Variants in METAP1D observed in about 807,000 individuals in gnomAD.
METAP1D encodes the protein methionyl aminopeptidase type 1D, mitochondrial.
In METAP1D, 31 loss-of-function variants were observed where a neutral mutation model predicts 40.5. The observed-to-expected ratio is 0.77, with a 90% CI of 0.58 to 1.03. The LOEUF (loss-of-function observed/expected upper bound fraction) is 1.03, where lower values mean the gene tolerates loss of function less well. Among genes scored for constraint, METAP1D ranks in the 50% least tolerant of loss-of-function variants. The pLI is 0.00. For missense variants in METAP1D, 411 were observed against 420.7 expected, an observed-to-expected ratio of 0.98 and a Z score of 0.20; for synonymous variants, 151 against 146.4, an observed-to-expected ratio of 1.03 and a Z score of -0.22.
intron 1 of METAP1D, among the ~76,000 whole-genome samples, chr2:172,017,209 A>T (rs1056304207): frequency 6.7e-6 from 1 of 149,358 alleles, no homozygotes; most frequent in African/African-American, 2.5e-5. Context: ...AATCTCCAAG[A>T]GTCTGTCTTG....
rs1381915319 is a variant in METAP1D, at chr2:172,045,839, A to AT, written c.41-15658dup. On this transcript the variant is annotated intron_variant, in intron 1 of 9. Transcript: ENST00000315796. ...TGTGTGTATATATATATATATATAT[A>AT]TATATATATATATATATATATATAT... Among the ~76,000 whole-genome samples, 32 of 97,264 alleles carry AT rather than the reference A, an allele frequency of 3.3e-4. 1 individual carries two copies. Among genetic ancestry groups the AT allele is most frequent in the Middle Eastern group, 4.3e-3 (1 of 232 alleles). The allele number at this position is 97,264 out of a possible 152,430, so 63.8% of individuals were successfully genotyped here.
At chr2:172,014,723 G>T (rs191980258) in intron 1 of METAP1D, among the ~76,000 whole-genome samples, 2 of 152,218 alleles carry the variant, frequency 1.3e-5, no homozygotes, top group Non-Finnish European at 2.9e-5. Context: ...TGCAATCTCG[G>T]CTCACTGCAA....
intron 5 of METAP1D, among the ~76,000 whole-genome samples, chr2:172,069,190 C>A (rs560912124): frequency 2.0e-5 from 3 of 152,064 alleles, no homozygotes; most frequent in Non-Finnish European, 4.4e-5. Context: ...GGATTGCAGG[C>A]GTGAGCTACT....
Position 172,066,323 on chromosome 2 carries a change from A to C in METAP1D, c.540+17A>C. The C allele has an allele frequency of 6.2e-7, 1 of 1,604,318 alleles. No homozygotes were observed. Among genetic ancestry groups the C allele is most frequent in the Non-Finnish European group, 8.5e-7 (1 of 1,174,356 alleles). On this transcript the variant is annotated intron_variant, in intron 5 of 9. Coordinates refer to ENST00000315796, the MANE Select transcript of METAP1D (RefSeq NM_199227.3). ...GATGTCACAGTGAGTAAATCATATA[A>C]AAAATTGTCTTTGATCAACTTCAGA...
At chr2:172,005,147 C>G (rs976082479) in intron 1 of METAP1D, among the ~76,000 whole-genome samples, 1 of 151,972 alleles carries the variant, frequency 6.6e-6, no homozygotes, top group Non-Finnish European at 1.5e-5. Context: ...AGTTTTCTTT[C>G]TTTCTTATTT....
intron 1 of METAP1D, among the ~76,000 whole-genome samples, chr2:172,049,167 T>C (rs2087652303): frequency 6.6e-6 from 1 of 152,110 alleles, no homozygotes; most frequent in Non-Finnish European, 1.5e-5. Context: ...GTATTTTTTG[T>C]AGAAACAAGG....
At chr2:172,069,041 C>T (rs1338378196) in intron 5 of METAP1D, among the ~76,000 whole-genome samples, 2 of 152,078 alleles carry the variant, frequency 1.3e-5, no homozygotes, top group Non-Finnish European at 2.9e-5. Flanking sequence ...ACCGTAGCCT[C>T]CCAAGTAGCT....
intron 5 of METAP1D, among the ~76,000 whole-genome samples, chr2:172,068,644 A>G (rs1690348069): frequency 6.6e-6 from 1 of 151,632 alleles, no homozygotes; most frequent in Admixed American, 6.6e-5. Context: ...CTCCCCAGTA[A>G]CTGAGACTAC....
At chr2:172,035,275 C>A (rs1227899395) in intron 1 of METAP1D, among the ~76,000 whole-genome samples, 1 of 152,122 alleles carries the variant, frequency 6.6e-6, no homozygotes, top group Non-Finnish European at 1.5e-5. Flanking sequence ...CGCCATTCTC[C>A]TGCCTCAGCC....
chr2:172,013,227 C>T (rs1443699), intron 1 of METAP1D, among the ~76,000 whole-genome samples: 31,369 of 152,108 alleles, frequency 0.21, 4,196 homozygotes, highest in African/African-American at 0.38. Context: ...TGGCTTCTGT[C>T]CCCGGCTTCG....
intron 1 of METAP1D, among the ~76,000 whole-genome samples, chr2:172,037,355 A>G (rs891547506): frequency 3.3e-5 from 5 of 152,010 alleles, no homozygotes; most frequent in Admixed American, 3.3e-4. Context: ...CTGGTCATCG[A>G]TATCTACTTG....
Position 172,080,792 on chromosome 2 carries a change from A to C in METAP1D, c.*386A>C, listed in dbSNP as rs555711618. On this transcript the variant is annotated 3_prime_UTR_variant, in exon 10 of 10. Coordinates refer to ENST00000315796, the MANE Select transcript of METAP1D (RefSeq NM_199227.3). ...TGTATCAGAGGTCCTTACCTCTCTG[A>C]CAGTTACAGTGATCTTTGTATCTGA... 266 of 292,072 alleles carry C rather than the reference A, an allele frequency of 9.1e-4. 3 individuals carry two copies. The South Asian group carries it at 0.011, about 12-fold the overall frequency. 18.1% of individuals were successfully genotyped at this position (292,072 alleles called of 1,614,324 possible).
chr2:172,008,116 T>C (rs897734420), intron 1 of METAP1D, among the ~76,000 whole-genome samples: 5 of 151,138 alleles, frequency 3.3e-5, no homozygotes, highest in South Asian at 2.1e-4. Context: ...TTGCTGATGG[T>C]ATTATATTCC....
chr2:172,007,500 T>G (rs946998481), intron 1 of METAP1D, among the ~76,000 whole-genome samples: 13 of 152,170 alleles, frequency 8.5e-5, no homozygotes, highest in African/African-American at 2.7e-4. Context: ...GATCTATTTG[T>G]GTTTTGCTGT....
At chr2:172,070,078 A>G (rs1690387883) in intron 5 of METAP1D, among the ~76,000 whole-genome samples, 1 of 152,204 alleles carries the variant, frequency 6.6e-6, no homozygotes, top group African/African-American at 2.4e-5. Context: ...TCAAAGGATC[A>G]GTATCCAAAC....
At chr2:172,047,137 T>G (rs541917351) in intron 1 of METAP1D, among the ~76,000 whole-genome samples, 5 of 152,346 alleles carry the variant, frequency 3.3e-5, no homozygotes, top group Admixed American at 3.3e-4. Flanking sequence ...ATTGAGCATT[T>G]CTTATGGAGT....
chr2:172,050,785 T>A (rs928923819), intron 1 of METAP1D, among the ~76,000 whole-genome samples: 1 of 152,238 alleles, frequency 6.6e-6, no homozygotes, highest in Non-Finnish European at 1.5e-5. Context: ...TATTCTGTGT[T>A]TAAATGATAT....
At chr2:172,067,382 C>T (rs551370302) in intron 5 of METAP1D, among the ~76,000 whole-genome samples, 2 of 152,238 alleles carry the variant, frequency 1.3e-5, no homozygotes, top group East Asian at 3.9e-4. Context: ...AACCTTTTTT[C>T]TTCATATCAA....
intron 1 of METAP1D, among the ~76,000 whole-genome samples, chr2:172,019,279 A>G (rs1351993377): frequency 6.6e-6 from 1 of 152,104 alleles, no homozygotes; most frequent in Non-Finnish European, 1.5e-5. Context: ...TTGAGCTGCC[A>G]CTGCATTGTA....
Sources: allele counts gnomAD v4.1 joint callset (sites outside exome capture counted in the v4.1 genomes callset), GRCh38; gene constraint gnomAD v4.1.1; transcripts MANE v1.5; gene names NCBI Gene and HGNC (gene_info 2026-07-23, HGNC 2026-07-21).